The following POTEF variants were observed in gnomAD, a reference collection of about 807,000 sequenced individuals.
POTEF encodes ANKRD26-like family C member 1B.
Under a neutral mutation model 83.2 loss-of-function variants are expected in POTEF, and 20 were observed. That is an observed-to-expected ratio of 0.24 (90% CI 0.17 to 0.35). The LOEUF (loss-of-function observed/expected upper bound fraction) is 0.35, where lower values mean the gene tolerates loss of function less well. Among genes scored for constraint, POTEF ranks in the 10% least tolerant of loss-of-function variants. The pLI, the probability that POTEF is intolerant of heterozygous loss-of-function variation, is 1.00. For missense variants in POTEF, 550 were observed against 1,203.2 expected, an observed-to-expected ratio of 0.46 and a Z score of 8.03; for synonymous variants, 196 against 446.4, an observed-to-expected ratio of 0.44 and a Z score of 7.07.
chr2:130,109,068 T>C (rs576380591), intron 7 of POTEF: 14 of 151,550 alleles, frequency 9.2e-5, no homozygotes, highest in African/African-American at 1.5e-4. Context: ...AGTCATCTCA[T>C]AGACCATCTT....
At chr2:130,108,982 T>G (rs1394431927) in intron 7 of POTEF, among the ~76,000 whole-genome samples, 2 of 151,380 alleles carry the variant, frequency 1.3e-5, no homozygotes, top group African/African-American at 4.9e-5. Flanking sequence ...CACGGAGAAG[T>G]AGCAAGCTGA....
At position 130,107,390 on chromosome 2, in the gene POTEF, G is replaced by C. The variant is rs1684569494; in HGVS notation, c.1126+619C>G. 1.3e-5 allele frequency among the ~76,000 whole-genome samples: 2 copies of C among 150,936 alleles called. 1 individual carries two copies. Among genetic ancestry groups the C allele is most frequent in the African/African-American group, 5.0e-5 (2 of 40,298 alleles). ...TATGTAACATGACTTGTGCTTCAGT[G>C]TTCTTTTGTGATCAAAAATTCCTTA... On this transcript the variant is annotated intron_variant, in intron 8 of 16. Coordinates refer to ENST00000409914, the MANE Select transcript of POTEF (RefSeq NM_001099771.2).
chr2:130,114,163 C>A (rs1265394136), intron 5 of POTEF, among the ~76,000 whole-genome samples: 1 of 150,022 alleles, frequency 6.7e-6, no homozygotes, highest in Non-Finnish European at 1.5e-5. Flanking sequence ...TCCTCAGAGG[C>A]CTCCTAAAAT....
intron 11 of POTEF, among the ~76,000 whole-genome samples, chr2:130,099,121 GT>G (rs370453383): frequency 0.03 from 1,808 of 60,124 alleles, 561 homozygotes; most frequent in Non-Finnish European, 0.034. Context: ...AACTTTTGGT[GT>G]TTTGCTTATT....
In POTEF at chr2:130,121,339, G is replaced by A. The variant is rs1471274013; in HGVS notation, c.-93-731C>T. Among the ~76,000 whole-genome samples the A allele has an allele frequency of 2.0e-5, 3 of 149,360 alleles. No individual in the cohort carries two copies. The East Asian group carries it at 5.9e-4, about 29-fold the overall frequency. ...AAAAGCCTCTTAAAGGAGGACTGGG[G>A]CTAAGCGTCTGGAACTTGAGGATGC... On this transcript the variant is annotated intron_variant, in intron 2 of 16. Transcript: ENST00000409914.
rs548716365 is a variant in POTEF at position 130,103,488 on chromosome 2, G to A, written c.1127-1308C>T. Among the ~76,000 whole-genome samples, 57 of 141,572 alleles carry A rather than the reference G, an allele frequency of 4.0e-4. 2 individuals are homozygous for A. In the South Asian group the frequency reaches 0.013, roughly 31 times the overall value. 92.9% of individuals were successfully genotyped at this position (141,572 alleles called of 152,430 possible). A position where few individuals can be genotyped will look rare whatever the true frequency, so the allele number is the denominator to read the frequency against. Reference sequence around the variant, plus strand: ...GATAAACAGGTACCTCCTTCCTTGAGGCTGCCTTAGTACTTCACTGATTTT... The same window carrying A: ...GATAAACAGGTACCTCCTTCCTTGAAGCTGCCTTAGTACTTCACTGATTTT... On this transcript the variant is annotated intron_variant, in intron 8 of 16. Coordinates refer to ENST00000409914, the MANE Select transcript of POTEF (RefSeq NM_001099771.2).
intron 2 of POTEF, among the ~76,000 whole-genome samples, chr2:130,125,588 G>A (rs1379169987): frequency 5.3e-5 from 8 of 151,132 alleles, no homozygotes; most frequent in Admixed American, 2.0e-4. Flanking sequence ...AAGAGGGCTC[G>A]ACACTGCAGG....
At chr2:130,119,264 C>T (rs984135522) in intron 3 of POTEF, among the ~76,000 whole-genome samples, 9 of 151,372 alleles carry the variant, frequency 5.9e-5, no homozygotes, top group Admixed American at 3.3e-4. Flanking sequence ...CCCGGGTTCA[C>T]GCCATTCTCC....
intron 2 of POTEF, among the ~76,000 whole-genome samples, chr2:130,126,303 C>A (rs910337548): frequency 3.6e-4 from 44 of 122,634 alleles, no homozygotes; most frequent in South Asian, 5.2e-4. Context: ...AACTCCATCT[C>A]AAAAAAAAAA....
chr2:130,104,826 T>C (rs1423639762), intron 8 of POTEF, among the ~76,000 whole-genome samples: 3 of 151,420 alleles, frequency 2.0e-5, no homozygotes, highest in Non-Finnish European at 4.4e-5. Flanking sequence ...ACATTTATCA[T>C]CAACTTTCAG....
intron 3 of POTEF, among the ~76,000 whole-genome samples, chr2:130,117,322 AAAAT>A (rs1419373070): frequency 6.6e-6 from 1 of 151,942 alleles, no homozygotes; most frequent in Non-Finnish European, 1.5e-5. Flanking sequence ...CACAGATAGA[AAAAT>A]AAATAATAGA....
intron 2 of POTEF, among the ~76,000 whole-genome samples, chr2:130,121,147 C>CGCGTGCGGCG: frequency 3.3e-5 from 5 of 151,638 alleles, no homozygotes; most frequent in African/African-American, 9.7e-5. Flanking sequence ...GTGCGGCGTG[C>CGCGTGCGGCG]TTATCTCAGG....
At chr2:130,128,904 C>T (rs1685169534) in intron 1 of POTEF, among the ~76,000 whole-genome samples, 168 bp downstream of exon 1, 1 of 115,532 alleles carries the variant, frequency 8.7e-6, no homozygotes. Context: ...GGCAGTGTAG[C>T]CCCGGACAGC....
At chr2:130,104,252 G>A (rs1684452574) in intron 8 of POTEF, among the ~76,000 whole-genome samples, 1 of 143,572 alleles carries the variant, frequency 7.0e-6, no homozygotes, top group Admixed American at 7.0e-5. Context: ...TAAAGTTATA[G>A]TGCCTATGAA....
Position 130,075,006 on chromosome 2 carries a change from G to A in POTEF, c.2466C>T (p.Ile822=). The change falls in exon 17 of 17, where the codon ATC becomes ATT. Residue 822 remains isoleucine, a synonymous_variant. Transcript: ENST00000409914. ...PKANREKMTQ[I]MFETFNTPAM... ...CTGGGGTGTTGAAGGTCTCAAACAT[G>A]ATCTGGGTCATCTTCTCGCGGTTGG... 3 of 1,613,432 alleles carry A rather than the reference G, an allele frequency of 1.9e-6. No individual in the cohort carries two copies. Among genetic ancestry groups the A allele is most frequent in the East Asian group, 2.2e-5 (1 of 44,840 alleles).
chr2:130,112,151 T>C, intron 5 of POTEF, 50 bp from the exon 6 acceptor site: 1 of 1,235,144 alleles, frequency 8.1e-7, no homozygotes, highest in South Asian at 1.3e-5. Context: ...AAAGTACATA[T>C]TCCTCAACCG....
intron 2 of POTEF, 117 bp from the exon 3 acceptor site, chr2:130,120,725 C>A: frequency 3.3e-6 from 3 of 910,828 alleles, no homozygotes; most frequent in African/African-American, 1.8e-5. Flanking sequence ...CCCACGCCCC[C>A]CCTGGGCGAC....
chr2:130,074,780 A>G lies in POTEF; in HGVS notation c.2692T>C (p.Tyr898His), dbSNP rs751309804. The G allele has an allele frequency of 7.7e-7, 1 of 1,301,884 alleles. No homozygotes were observed. Among genetic ancestry groups the G allele is most frequent in the Non-Finnish European group, 1.1e-6 (1 of 942,860 alleles). 80.6% of individuals were successfully genotyped at this position (1,301,884 alleles called of 1,614,324 possible). A position where few individuals can be genotyped will look rare whatever the true frequency, so the allele number is the denominator to read the frequency against. Residue 898 changes from tyrosine to histidine, a missense_variant, in exon 17 of 17, where the codon TAT becomes CAT. Coordinates refer to ENST00000409914, the MANE Select transcript of POTEF (RefSeq NM_001099771.2). The stretch of plus-strand genomic sequence containing the variant: ...CGCTCGGCCATGGTGGTGAACCTAT[A>G]GCCATGCTCGGTGAGGATCTTCATG... ...YLMKILTEHG[Y>H]RFTTMAEREI...
chr2:130,123,440 A>G (rs1170166345), intron 2 of POTEF, among the ~76,000 whole-genome samples: 1 of 152,088 alleles, frequency 6.6e-6, no homozygotes, highest in Non-Finnish European at 1.5e-5. Context: ...TGTAAAGACT[A>G]TAATTGCACA....
Sources: gnomAD v4.1 joint callset for allele counts (sites outside exome capture counted in the v4.1 genomes callset) on GRCh38, gnomAD v4.1.1 for gene constraint, MANE v1.5 for transcripts, NCBI Gene and HGNC (gene_info 2026-07-23, HGNC 2026-07-21) for gene names.